Variants in RBM11 observed in about 807,000 individuals in gnomAD.
RBM11 encodes the protein RNA binding motif protein 11.
A neutral mutation model predicts 21.4 loss-of-function variants in RBM11; 18 were observed. The observed-to-expected ratio is 0.84, with a 90% CI of 0.58 to 1.25. The LOEUF (loss-of-function observed/expected upper bound fraction) is 1.25, where lower values mean the gene tolerates loss of function less well. Ranked by LOEUF, RBM11 falls within the 50% of genes most tolerant of loss-of-function variation. The pLI is 0.00. For missense variants in RBM11, 294 were observed against 331.9 expected (o/e 0.89, Z 0.89); for synonymous variants, 120 against 116.3 (o/e 1.03, Z -0.20).
intron 3 of RBM11, among the ~76,000 whole-genome samples, chr21:14,222,333 C>T (rs377324865): frequency 5.9e-5 from 9 of 152,008 alleles, no homozygotes; most frequent in South Asian, 2.1e-4. Context: ...AGAAGTATAG[C>T]TCTACTAGCT....
intron 3 of RBM11, among the ~76,000 whole-genome samples, chr21:14,223,579 C>T (rs1243519000): frequency 6.6e-6 from 1 of 150,712 alleles, no homozygotes; most frequent in Non-Finnish European, 1.5e-5. Context: ...TATTTTTCAG[C>T]CTGTAGAAGC....
At chr21:14,216,337 T>G in intron 1 of RBM11, 55 bp downstream of exon 1, 2 of 1,514,848 alleles carry the variant, frequency 1.3e-6, no homozygotes, top group Non-Finnish European at 1.8e-6. Flanking sequence ...GCCGGAAACA[T>G]AGCGCGCACC....
chr21:14,227,594 C>T lies in RBM11; in HGVS notation c.*301C>T, dbSNP rs574598888. The T allele has an allele frequency of 4.0e-5, 13 of 324,104 alleles. No individual in the cohort carries two copies. Among genetic ancestry groups the T allele is most frequent in the Non-Finnish European group, 6.2e-5 (11 of 176,560 alleles). 20.1% of individuals were successfully genotyped at this position (324,104 alleles called of 1,614,324 possible). On this transcript the variant is annotated 3_prime_UTR_variant, in exon 5 of 5. Coordinates refer to ENST00000400577, the MANE Select transcript of RBM11 (RefSeq NM_144770.5). ...TCACCAAACTATTAATCAAAAGTCACTTATTGAACACATTGATAAAGCATC... is the reference window on the plus strand; with the variant it reads ...TCACCAAACTATTAATCAAAAGTCATTTATTGAACACATTGATAAAGCATC...
rs2020443016 is a variant in RBM11 at position 14,216,342 on chromosome 21, C to G, written c.96+60C>G. On this transcript the variant is annotated intron_variant, in intron 1 of 4. Coordinates refer to ENST00000400577, the MANE Select transcript of RBM11 (RefSeq NM_144770.5). ...AGCACGTCGGGCCGGAAACATAGCGCGCACCTGGACCACCCGGAGCCCGGC... is the reference window on the plus strand; with the variant it reads ...AGCACGTCGGGCCGGAAACATAGCGGGCACCTGGACCACCCGGAGCCCGGC... The G allele has an allele frequency of 4.9e-6, 7 of 1,432,220 alleles. No individual in the cohort carries two copies. The Admixed American group carries it at 5.5e-5, about 11-fold the overall frequency. The allele number at this position is 1,432,220 out of a possible 1,614,324, so 88.7% of individuals were successfully genotyped here.
At chr21:14,225,481 T>A (rs367620) in intron 4 of RBM11, among the ~76,000 whole-genome samples, 41,440 of 152,052 alleles carry the variant, frequency 0.27, 6,709 homozygotes, top group African/African-American at 0.47. Flanking sequence ...GTTGTTAATC[T>A]ACAGTCCCAA....
Position 14,224,516 on chromosome 21 carries a change from A to T in RBM11, c.411A>T (p.Glu137Asp), listed in dbSNP as rs755892810. 18 of 1,553,238 alleles carry T rather than the reference A, an allele frequency of 1.2e-5. No individual in the cohort carries two copies. In the East Asian group the frequency reaches 3.8e-4, roughly 33 times the overall value. The change falls in exon 4 of 5, where the codon GAA (glutamate) becomes GAT (aspartate). Residue 137 changes from glutamate (E) to aspartate (D), a missense_variant. Around this residue, in one of 2 missense-constraint regions of RBM11, gnomAD observed 181 missense variants for 164.6 expected, o/e 1.10. Coordinates refer to ENST00000400577, the MANE Select transcript of RBM11 (RefSeq NM_144770.5). ...FPINNTSLPQ[E>D]YFLFQKMQWH... ...TTAATAATACTTCTTTACCTCAAGA[A>T]TATTTTCTCTTTCAGAAGATGGTAA...
chr21:14,216,302 G>T lies in RBM11; in HGVS notation c.96+20G>T, dbSNP rs779069037. ...CTTCAGGTACCGTCTCTGGGAAGGG[G>T]CGGCGGAGGGGCGGAGCACGTCGGG... On this transcript the variant is annotated intron_variant, in intron 1 of 4. Transcript: ENST00000400577. The T allele has an allele frequency of 7.0e-5, 113 of 1,606,046 alleles. No individual in the cohort carries two copies. The highest frequency in any genetic ancestry group is 9.1e-5 in the Non-Finnish European group (107 of 1,174,558).
At chr21:14,221,041 T>C in intron 2 of RBM11, 56 bp from the exon 3 acceptor site, 1 of 1,492,300 alleles carries the variant, frequency 6.7e-7, no homozygotes, top group Non-Finnish European at 9.0e-7. Context: ...GGTTTAATAT[T>C]ACAACTCAAA....
At chr21:14,218,124 A>T (rs1337441547) in intron 1 of RBM11, among the ~76,000 whole-genome samples, 2 of 152,324 alleles carry the variant, frequency 1.3e-5, no homozygotes, top group Admixed American at 1.3e-4. Context: ...ATTGTGATTT[A>T]AAAAATACTG....
chr21:14,226,414 A>G (rs2123412647), intron 4 of RBM11, among the ~76,000 whole-genome samples: 1 of 151,996 alleles, frequency 6.6e-6, no homozygotes, highest in East Asian at 1.9e-4. Context: ...AGGTCAGGAG[A>G]TCGAGACCAG....
At chr21:14,225,411 A>G (rs559947261) in intron 4 of RBM11, among the ~76,000 whole-genome samples, 10 of 152,242 alleles carry the variant, frequency 6.6e-5, no homozygotes, top group African/African-American at 2.4e-4. Context: ...TATGGACTTC[A>G]TTGTTAAAGG....
At position 14,218,965 on chromosome 21, in the gene RBM11, G is replaced by C. The variant is rs537186540; in HGVS notation, c.97-598G>C. On this transcript the variant is annotated intron_variant, in intron 1 of 4. Transcript: ENST00000400577. ...ATAATATCTCCAGTTGTTAGATTTA[G>C]AGCCTCTCTAATTTCTCACACTTAT... Among the ~76,000 whole-genome samples the C allele has an allele frequency of 4.6e-5, 7 of 152,130 alleles. No homozygotes were observed. In the East Asian group the frequency reaches 1.3e-3, roughly 29 times the overall value.
intron 4 of RBM11, among the ~76,000 whole-genome samples, chr21:14,224,831 G>A (rs560603851): frequency 1.3e-5 from 2 of 152,314 alleles, no homozygotes; most frequent in South Asian, 4.1e-4. Flanking sequence ...TTTAAAAGAC[G>A]TTTGCAGTGG....
At position 14,227,297 on chromosome 21, in the gene RBM11, T is replaced by A. The variant is rs757886956; in HGVS notation, c.*4T>A. 2 of 1,597,502 alleles carry A rather than the reference T, an allele frequency of 1.3e-6. No individual in the cohort carries two copies. Among genetic ancestry groups the A allele is most frequent in the Non-Finnish European group, 1.7e-6 (2 of 1,172,968 alleles). ...TAAGAAGAAGAAAAGATACTAGTATTACCTACAAATGAAACTTACCTACAC... is the reference window on the plus strand; with the variant it reads ...TAAGAAGAAGAAAAGATACTAGTATAACCTACAAATGAAACTTACCTACAC... On this transcript the variant is annotated 3_prime_UTR_variant, in exon 5 of 5. Coordinates refer to ENST00000400577, the MANE Select transcript of RBM11 (RefSeq NM_144770.5).
In RBM11 at chr21:14,228,371, A is replaced by C. The variant is rs1029666066; in HGVS notation, c.*1078A>C. On this transcript the variant is annotated 3_prime_UTR_variant, in exon 5 of 5. Transcript: ENST00000400577. ...AAAAAATAAAGATATGTTTTTAATG[A>C]AGAGAGTAACTGAATTTTAATCTTG... 54 of 152,286 alleles carry C rather than the reference A, an allele frequency of 3.5e-4. No individual in the cohort carries two copies. Among genetic ancestry groups the C allele is most frequent in the African/African-American group, 1.2e-3 (50 of 41,566 alleles). 9.4% of individuals were successfully genotyped at this position (152,286 alleles called of 1,614,324 possible). A position where few individuals can be genotyped will look rare whatever the true frequency, so the allele number is the denominator to read the frequency against.
Position 14,227,427 on chromosome 21 carries a change from G to A in RBM11, c.*134G>A. The A allele has an allele frequency of 9.8e-7, 1 of 1,017,100 alleles. No individual in the cohort carries two copies. Among genetic ancestry groups the A allele is most frequent in the Non-Finnish European group, 1.4e-6 (1 of 731,418 alleles). 63.0% of individuals were successfully genotyped at this position (1,017,100 alleles called of 1,614,324 possible). On this transcript the variant is annotated 3_prime_UTR_variant, in exon 5 of 5. Transcript: ENST00000400577. Reference sequence around the variant, plus strand: ...TATGTAGTAATAAGACTTATCTCTGGTTTGCTGTTCAATTTTTGCCTTGAA... The same window carrying A: ...TATGTAGTAATAAGACTTATCTCTGATTTGCTGTTCAATTTTTGCCTTGAA...
rs1285443011 is a variant in RBM11, at chr21:14,221,146, T to C, written c.309T>C (p.Val103=). ...EPANQSFESC[V]KINSHNYRNE... Reference sequence around the variant, plus strand: ...CTAACCAAAGTTTTGAGAGCTGTGTTAAGATAAATTCACACAACTACAGGT... The same window carrying C: ...CTAACCAAAGTTTTGAGAGCTGTGTCAAGATAAATTCACACAACTACAGGT... The change falls in exon 3 of 5, where the codon GTT becomes GTC. Residue 103 remains valine (V), a synonymous_variant. Coordinates refer to ENST00000400577, the MANE Select transcript of RBM11 (RefSeq NM_144770.5). 1 of 1,573,622 alleles carries C rather than the reference T, an allele frequency of 6.4e-7. No individual in the cohort carries two copies. Among genetic ancestry groups the C allele is most frequent in the African/African-American group, 1.3e-5 (1 of 74,242 alleles).
rs560763373 is a variant in RBM11 at position 14,221,865 on chromosome 21, G to A, written c.332+696G>A. Among the ~76,000 whole-genome samples the A allele has an allele frequency of 2.6e-5, 4 of 152,288 alleles. No individual in the cohort carries two copies. The East Asian group carries it at 7.7e-4, about 29-fold the overall frequency. Reference sequence around the variant, plus strand: ...AAAAGCTGCAAGTAGGCAGAAGGACGAACTAGCTGAATTCTGGTTACACTA... The same window carrying A: ...AAAAGCTGCAAGTAGGCAGAAGGACAAACTAGCTGAATTCTGGTTACACTA... On this transcript the variant is annotated intron_variant, in intron 3 of 4. Coordinates refer to ENST00000400577, the MANE Select transcript of RBM11 (RefSeq NM_144770.5).
chr21:14,220,127 G>T (rs559111526), intron 2 of RBM11, among the ~76,000 whole-genome samples: 1 of 152,258 alleles, frequency 6.6e-6, no homozygotes, highest in East Asian at 1.9e-4. Context: ...GGAAGATAGA[G>T]AGAGGGCATT....
Sources: gnomAD v4.1 joint callset for allele counts (sites outside exome capture counted in the v4.1 genomes callset) on GRCh38, gnomAD v4.1.1 for gene constraint, gnomAD v4.1.1 regional missense constraint, MANE v1.5 for transcripts, NCBI Gene and HGNC (gene_info 2026-07-23, HGNC 2026-07-21) for gene names.